CUL5: variants seen among roughly 807,000 people sequenced by gnomAD.
CUL5 encodes the protein cullin-5.
In CUL5, 26 loss-of-function variants were observed where a neutral mutation model predicts 108.8. The ratio of observed to expected loss-of-function variants is 0.24; its 90% CI spans 0.18 to 0.33. The LOEUF is 0.33. CUL5 is among the 10% of genes least tolerant of loss of function. The pLI is 1.00. For synonymous variants in CUL5, 334 were observed against 298.0 expected (o/e 1.12, Z -1.25); for missense variants, 524 against 909.2 (o/e 0.58, Z 5.45).
chr11:108,078,252 A>C lies in CUL5; in HGVS notation c.1178+12A>C. 6.7e-7 allele frequency: 1 copy of C among 1,484,416 alleles called. No individual in the cohort carries two copies. The allele number at this position is 1,484,416 out of a possible 1,614,324, so 92.0% of individuals were successfully genotyped here. A position where few individuals can be genotyped will look rare whatever the true frequency, so the allele number is the denominator to read the frequency against. On this transcript the variant is annotated intron_variant, in intron 11 of 18. Coordinates refer to ENST00000393094, the MANE Select transcript of CUL5 (RefSeq NM_003478.6). ...TTGAAGCAGAAGGGGTAAGTTTTTT[A>C]AAACCATACTTTAAAAATACTTAAA...
intron 1 of CUL5, among the ~76,000 whole-genome samples, chr11:108,028,051 A>T (rs1354507757): frequency 6.6e-6 from 1 of 152,150 alleles, no homozygotes; most frequent in East Asian, 1.9e-4. Flanking sequence ...CACTTCTCTC[A>T]CAGTGATCTC....
rs759147113 is a variant in CUL5, at chr11:108,050,116, A to G, written c.411+50A>G. 4.8e-6 allele frequency: 7 copies of G among 1,444,044 alleles called. No individual in the cohort carries two copies. The South Asian group carries it at 5.7e-5, about 12-fold the overall frequency. The allele number at this position is 1,444,044 out of a possible 1,614,324, so 89.5% of individuals were successfully genotyped here. ...TCCTAATATTCTTCAGAAAGAGGGT[A>G]ATTTGGAAGCATTTGAAAGTAATTT... On this transcript the variant is annotated intron_variant, in intron 4 of 18. Transcript: ENST00000393094.
intron 1 of CUL5, among the ~76,000 whole-genome samples, chr11:108,021,552 A>G (rs1862326955): frequency 6.6e-6 from 1 of 152,190 alleles, no homozygotes; most frequent in South Asian, 2.1e-4. Flanking sequence ...TGGGATTATC[A>G]TAGGTCACTG....
At chr11:108,098,872 A>G (rs1864567669) in intron 18 of CUL5, among the ~76,000 whole-genome samples, 1 of 152,094 alleles carries the variant, frequency 6.6e-6, no homozygotes, top group Non-Finnish European at 1.5e-5. Context: ...TAAAACTAGG[A>G]TTAAGACCTT....
At chr11:108,010,637 A>G (rs1018563365) in intron 1 of CUL5, among the ~76,000 whole-genome samples, 60 of 152,368 alleles carry the variant, frequency 3.9e-4, no homozygotes, top group African/African-American at 1.4e-3. Context: ...TAATATATCT[A>G]TAATGCTTAA....
At chr11:108,093,143 G>A (rs1411882922) in intron 13 of CUL5, among the ~76,000 whole-genome samples, 1 of 152,178 alleles carries the variant, frequency 6.6e-6, no homozygotes, top group East Asian at 1.9e-4. Context: ...TTTTATGGTA[G>A]ATAAATTATC....
At chr11:108,047,735 A>G (rs1863101573) in intron 3 of CUL5, among the ~76,000 whole-genome samples, 1 of 152,182 alleles carries the variant, frequency 6.6e-6, no homozygotes, top group Non-Finnish European at 1.5e-5. Flanking sequence ...TCAATTTAAA[A>G]CTATTTTCTT....
At chr11:108,093,220 A>G (rs11607758) in intron 13 of CUL5, among the ~76,000 whole-genome samples, 20,294 of 152,194 alleles carry the variant, frequency 0.13, 1,456 homozygotes, top group African/African-American at 0.19. Flanking sequence ...AACTTGACAG[A>G]GTAAGCATCT....
At chr11:108,055,053 A>C in intron 7 of CUL5, 98 bp downstream of exon 7, 1 of 888,964 alleles carries the variant, frequency 1.1e-6, no homozygotes, top group Non-Finnish European at 1.7e-6. Flanking sequence ...TTTAACAACC[A>C]ACATTGTTAA....
chr11:108,087,966 A>G (rs1864262239), intron 11 of CUL5, among the ~76,000 whole-genome samples: 1 of 152,068 alleles, frequency 6.6e-6, no homozygotes, highest in South Asian at 2.1e-4. Flanking sequence ...ACTCCATCTC[A>G]AAAAAACTAA....
chr11:108,034,399 T>C (rs868547005), intron 2 of CUL5, among the ~76,000 whole-genome samples: 1 of 152,218 alleles, frequency 6.6e-6, no homozygotes, highest in Non-Finnish European at 1.5e-5. Flanking sequence ...ATATTGTTTA[T>C]ATAAACAGTT....
chr11:108,088,175 A>G (rs1000530418), intron 11 of CUL5, among the ~76,000 whole-genome samples: 6 of 152,212 alleles, frequency 3.9e-5, no homozygotes, highest in African/African-American at 1.2e-4. Flanking sequence ...GTTAACATAA[A>G]TATCCAAGAA....
chr11:108,021,864 G>C (rs1862334484), intron 1 of CUL5, among the ~76,000 whole-genome samples: 1 of 151,916 alleles, frequency 6.6e-6, no homozygotes, highest in African/African-American at 2.4e-5. Context: ...CCTCAGGCTG[G>C]AATGCAGTGG....
intron 1 of CUL5, among the ~76,000 whole-genome samples, chr11:108,023,372 T>TC (rs1862373697): frequency 6.6e-6 from 1 of 152,234 alleles, no homozygotes; most frequent in African/African-American, 2.4e-5. Flanking sequence ...TACATTTTTT[T>TC]CCCTTTATGG....
At chr11:108,023,266 A>C (rs1012068324) in intron 1 of CUL5, among the ~76,000 whole-genome samples, 2 of 152,182 alleles carry the variant, frequency 1.3e-5, no homozygotes, top group African/African-American at 4.8e-5. Context: ...AACAAACAAA[A>C]AAAACGCAGT....
chr11:108,033,565 T>C (rs1862648885), intron 1 of CUL5, among the ~76,000 whole-genome samples: 1 of 152,220 alleles, frequency 6.6e-6, no homozygotes, highest in South Asian at 2.1e-4. Flanking sequence ...AAGACCAGAC[T>C]GTCTCCTTGG....
chr11:108,099,262 C>T (rs1333070793), intron 18 of CUL5, among the ~76,000 whole-genome samples: 2 of 152,148 alleles, frequency 1.3e-5, no homozygotes, highest in Admixed American at 1.3e-4. Flanking sequence ...CCCTCGGCCT[C>T]CCAAAGTGCT....
Position 108,056,825 on chromosome 11 carries a change from A to G in CUL5, c.780+1870A>G, listed in dbSNP as rs1303665480. Among the ~76,000 whole-genome samples, 7 of 152,208 alleles carry G rather than the reference A, an allele frequency of 4.6e-5. 1 individual carries two copies. Among genetic ancestry groups the G allele is most frequent in the Admixed American group, 3.9e-4 (6 of 15,278 alleles). On this transcript the variant is annotated intron_variant, in intron 7 of 18. Coordinates refer to ENST00000393094, the MANE Select transcript of CUL5 (RefSeq NM_003478.6). ...AGACAAGGGAAGAGAGAAACTTCTT[A>G]GAGGTGGAACATTGTATCACATGGA...
chr11:108,097,806 CTT>C, intron 17 of CUL5, 52 bp downstream of exon 17: 1 of 1,041,952 alleles, frequency 9.6e-7, no homozygotes, highest in Non-Finnish European at 1.5e-6. Context: ...AATTTTAGCA[CTT>C]TGTTTTTTGC....
Sources: allele counts gnomAD v4.1 joint callset (sites outside exome capture counted in the v4.1 genomes callset), GRCh38; gene constraint gnomAD v4.1.1; transcripts MANE v1.5; gene names NCBI Gene and HGNC (gene_info 2026-07-23, HGNC 2026-07-21).